Variants in GLIS1 observed in about 807,000 individuals in gnomAD.
GLIS1 encodes zinc finger protein GLIS1.
A neutral mutation model predicts 63.8 loss-of-function variants in GLIS1; 24 were observed. The observed-to-expected ratio is 0.38, with a 90% CI of 0.27 to 0.53. The LOEUF (loss-of-function observed/expected upper bound fraction) is 0.53, where lower values mean the gene tolerates loss of function less well. Among genes scored for constraint, GLIS1 ranks in the 20% least tolerant of loss-of-function variants. The pLI is 0.85. For missense variants in GLIS1, 1,036 were observed against 1,074.1 expected (o/e 0.96, Z 0.50); for synonymous variants, 450 against 482.5 (o/e 0.93, Z 0.88).
intron 2 of GLIS1, among the ~76,000 whole-genome samples, chr1:53,602,221 A>C (rs1401377765): frequency 6.6e-6 from 1 of 152,124 alleles, no homozygotes; most frequent in Non-Finnish European, 1.5e-5. Flanking sequence ...CCTGGTAACA[A>C]ATGTGAATGG....
intron 6 of GLIS1, among the ~76,000 whole-genome samples, chr1:53,523,927 A>G (rs1353447913): frequency 4.6e-5 from 7 of 152,062 alleles, no homozygotes; most frequent in Admixed American, 3.9e-4. Flanking sequence ...TCCTGCACAC[A>G]CTGGGCTTCA....
intron 2 of GLIS1, among the ~76,000 whole-genome samples, chr1:53,609,339 T>C (rs1295409735): frequency 7.7e-6 from 1 of 129,754 alleles, no homozygotes; most frequent in Non-Finnish European, 1.6e-5. Context: ...AGTCGTGCGA[T>C]CTTGGCTCAC....
intron 4 of GLIS1, among the ~76,000 whole-genome samples, chr1:53,578,481 C>T (rs1460767932): frequency 1.3e-5 from 2 of 152,188 alleles, no homozygotes; most frequent in African/African-American, 4.8e-5. Context: ...ATTTTTACAG[C>T]CTTCCTCCAG....
At chr1:53,709,913 G>C (rs570857370) in intron 2 of GLIS1, among the ~76,000 whole-genome samples, 1 of 152,148 alleles carries the variant, frequency 6.6e-6, no homozygotes, top group Non-Finnish European at 1.5e-5. Context: ...CTGGTGGAGG[G>C]ACAGGTACAA....
chr1:53,683,748 C>T (rs1342511721), intron 2 of GLIS1, among the ~76,000 whole-genome samples: 1 of 152,114 alleles, frequency 6.6e-6, no homozygotes, highest in Non-Finnish European at 1.5e-5. Flanking sequence ...GAATTGGGTA[C>T]CCTGGGGAGG....
At chr1:53,694,963 T>C (rs1289005243) in intron 2 of GLIS1, among the ~76,000 whole-genome samples, 1 of 152,016 alleles carries the variant, frequency 6.6e-6, no homozygotes, top group Non-Finnish European at 1.5e-5. Flanking sequence ...TACGTAAATA[T>C]ATATACTGGC....
In GLIS1 at chr1:53,594,559, C is replaced by A. The variant is rs964164499; in HGVS notation, c.869G>T (p.Gly290Val). Residue 290 changes from glycine (G) to valine (V), a missense_variant, in exon 4 of 11, where the codon GGC (glycine) becomes GTC (valine). Around this residue, in one of 3 missense-constraint regions of GLIS1, gnomAD observed 592 missense variants for 593.9 expected, o/e 1.00. Transcript: ENST00000628545. ...RSPPLTGDLG[G>V]PSKRARPGPA... ...GCCAGGCCGGGCCCGCTTGGAAGGG[C>A]CCCCCAGATCTCCCGTCAGAGGGGG... The A allele has an allele frequency of 6.3e-7, 1 of 1,599,310 alleles. No homozygotes were observed. Among genetic ancestry groups the A allele is most frequent in the Middle Eastern group, 1.7e-4 (1 of 6,006 alleles).
At chr1:53,568,387 C>T (rs1644954375) in intron 4 of GLIS1, among the ~76,000 whole-genome samples, 1 of 152,034 alleles carries the variant, frequency 6.6e-6, no homozygotes, top group South Asian at 2.1e-4. Flanking sequence ...TTAACAGGCT[C>T]GTAGGTGGGA....
At chr1:53,619,872 C>A (rs931016239) in intron 2 of GLIS1, among the ~76,000 whole-genome samples, 1 of 152,228 alleles carries the variant, frequency 6.6e-6, no homozygotes, top group Non-Finnish European at 1.5e-5. Context: ...CAAGGTGACA[C>A]TGGGGCCAGT....
At chr1:53,737,434 T>C (rs2982662) in intron 2 of GLIS1, among the ~76,000 whole-genome samples, 2,149 of 152,250 alleles carry the variant, frequency 0.014, 56 homozygotes, top group African/African-American at 0.049. Context: ...GCTGAGGAGA[T>C]TGAAATACTT....
chr1:53,537,328 G>A (rs1368783117), intron 4 of GLIS1, among the ~76,000 whole-genome samples: 1 of 152,194 alleles, frequency 6.6e-6, no homozygotes, highest in African/African-American at 2.4e-5. Flanking sequence ...GAGCATGCAG[G>A]GGAGCCCCAG....
At chr1:53,542,118 G>A (rs779727496) in intron 4 of GLIS1, among the ~76,000 whole-genome samples, 3 of 152,222 alleles carry the variant, frequency 2.0e-5, no homozygotes, top group Non-Finnish European at 4.4e-5. Flanking sequence ...TTATAAGCAG[G>A]TGCCCAGCAG....
chr1:53,736,880 C>A (rs1646917699), intron 2 of GLIS1, among the ~76,000 whole-genome samples: 1 of 152,044 alleles, frequency 6.6e-6, no homozygotes, highest in African/African-American at 2.4e-5. Flanking sequence ...AACCGTAAAA[C>A]CCAAACTGTT....
chr1:53,610,829 A>G (rs965213263), intron 2 of GLIS1, among the ~76,000 whole-genome samples: 6 of 152,090 alleles, frequency 3.9e-5, no homozygotes, highest in African/African-American at 1.2e-4. Flanking sequence ...ACCATGTCCT[A>G]TATATCTCTT....
At chr1:53,684,233 G>A (rs544296066) in intron 2 of GLIS1, among the ~76,000 whole-genome samples, 24 of 152,186 alleles carry the variant, frequency 1.6e-4, no homozygotes, top group South Asian at 1.5e-3. Context: ...ACCCTCTCTG[G>A]AGGGAGCCAG....
intron 2 of GLIS1, among the ~76,000 whole-genome samples, chr1:53,719,312 CTTGAG>C (rs1646729891): frequency 6.6e-6 from 1 of 152,218 alleles, no homozygotes; most frequent in Non-Finnish European, 1.5e-5. Flanking sequence ...GCCCTTCTCT[CTTGAG>C]TTGAGGTAAG....
Position 53,646,861 on chromosome 1 carries a change from AAG to A in GLIS1, c.260-46585_260-46584del, listed in dbSNP as rs953906886. Among the ~76,000 whole-genome samples the A allele has an allele frequency of 5.9e-4, 89 of 150,568 alleles. No homozygotes were observed. Among genetic ancestry groups the A allele is most frequent in the African/African-American group, 2.1e-3 (87 of 40,932 alleles). ...GAGAGAGAGAAAGAGAGGGGAAGGA[AAG>A]AAGGAAGGAAGGAAGGAGAAGGGAA... On this transcript the variant is annotated intron_variant, in intron 2 of 10. Coordinates refer to ENST00000628545, the MANE Select transcript of GLIS1 (RefSeq NM_001367484.1). The surrounding 1 kb of genome is among the most constrained non-coding windows in gnomAD (Gnocchi z 4.2).
intron 7 of GLIS1, 67 bp downstream of exon 7, chr1:53,520,567 C>T (rs1644396828): frequency 2.7e-6 from 4 of 1,497,036 alleles, no homozygotes; most frequent in Non-Finnish European, 3.6e-6. Flanking sequence ...ATCACTTGTC[C>T]TTGACTGTGG....
chr1:53,700,098 G>C (rs1414058342), intron 2 of GLIS1, among the ~76,000 whole-genome samples: 1 of 152,204 alleles, frequency 6.6e-6, no homozygotes, highest in Non-Finnish European at 1.5e-5. Flanking sequence ...GGATGGCAGA[G>C]GCCACTACAC....
Sources: allele counts gnomAD v4.1 joint callset (sites outside exome capture counted in the v4.1 genomes callset), GRCh38; gene constraint gnomAD v4.1.1; regional missense constraint gnomAD v4.1.1; non-coding constraint Gnocchi (gnomAD v3.1); transcripts MANE v1.5; gene names NCBI Gene and HGNC (gene_info 2026-07-23, HGNC 2026-07-21).